DOCK1: variants seen among roughly 807,000 people sequenced by gnomAD.
DOCK1 encodes dedicator of cytokinesis protein 1.
Under a neutral mutation model 262.7 loss-of-function variants are expected in DOCK1, and 138 were observed. That is an observed-to-expected ratio of 0.53 (90% CI 0.46 to 0.61). The LOEUF (loss-of-function observed/expected upper bound fraction) is 0.61, where lower values mean the gene tolerates loss of function less well. Among genes scored for constraint, DOCK1 ranks in the 20% least tolerant of loss-of-function variants. The pLI is 0.00. For synonymous variants in DOCK1, 866 were observed against 867.4 expected, an observed-to-expected ratio of 1.00 and a Z score of 0.03; for missense variants, 1,908 against 2,370.7, an observed-to-expected ratio of 0.80 and a Z score of 4.05.
intron 27 of DOCK1, among the ~76,000 whole-genome samples, chr10:127,241,288 C>T (rs1229226119): frequency 1.3e-5 from 2 of 152,216 alleles, no homozygotes. Context: ...CACTGCACTC[C>T]AGCCTGGGAG....
At chr10:127,107,380 T>C (rs972162279) in intron 24 of DOCK1, among the ~76,000 whole-genome samples, 1 of 152,206 alleles carries the variant, frequency 6.6e-6, no homozygotes, top group Non-Finnish European at 1.5e-5. Context: ...CGAGGGGCTC[T>C]CTGGGAGGCG....
intron 32 of DOCK1, among the ~76,000 whole-genome samples, chr10:127,361,707 G>A (rs78741914): frequency 0.012 from 1,769 of 152,228 alleles, 9 homozygotes; most frequent in African/African-American, 0.02. Flanking sequence ...CCCCCGACTC[G>A]CAGCCCCTGC....
intron 43 of DOCK1, among the ~76,000 whole-genome samples, chr10:127,411,755 G>A (rs562104831): frequency 5.3e-5 from 8 of 152,108 alleles, no homozygotes; most frequent in East Asian, 2.0e-4. Context: ...CGGGAGAATC[G>A]CTTGAACCCA....
At chr10:126,947,380 A>G (rs1329209577) in intron 1 of DOCK1, among the ~76,000 whole-genome samples, 481 of 106,766 alleles carry the variant, frequency 4.5e-3, no homozygotes, top group East Asian at 0.015. Flanking sequence ...GTTGGTGGTG[A>G]TGGTGGTAGT....
At chr10:127,256,503 G>T (rs1470542034) in intron 28 of DOCK1, among the ~76,000 whole-genome samples, 1 of 152,048 alleles carries the variant, frequency 6.6e-6, no homozygotes, top group Non-Finnish European at 1.5e-5. Flanking sequence ...GTGAGCTTGG[G>T]GCTACCAGGG....
rs189840269 is a variant in DOCK1, at chr10:127,378,957, A to G, written c.3676-1125A>G. ...CTAGACTTAGTTATCATTTCTTTTC[A>G]GAGACATCAATTGTAGAAGCAATGC... is the stretch of plus-strand genomic sequence containing the variant. On this transcript the variant is annotated intron_variant, in intron 35 of 51. Coordinates refer to ENST00000623213, the MANE Select transcript of DOCK1 (RefSeq NM_001290223.2). 3.2e-4 allele frequency among the ~76,000 whole-genome samples: 49 copies of G among 152,358 alleles called. 1 individual carries two copies. In the East Asian group the frequency reaches 7.9e-3, roughly 25 times the overall value.
chr10:127,165,361 A>G (rs1190341196), intron 27 of DOCK1, among the ~76,000 whole-genome samples: 1 of 152,204 alleles, frequency 6.6e-6, no homozygotes, highest in African/African-American at 2.4e-5. Flanking sequence ...CTTGTTGCCA[A>G]AGACTAAAAT....
At chr10:127,151,081 T>C (rs2052440640) in intron 27 of DOCK1, among the ~76,000 whole-genome samples, 1 of 152,230 alleles carries the variant, frequency 6.6e-6, no homozygotes, top group Non-Finnish European at 1.5e-5. Context: ...GGACCAGAAG[T>C]GAACTTTCAC....
intron 29 of DOCK1, among the ~76,000 whole-genome samples, chr10:127,335,352 T>A (rs2063144973): frequency 6.6e-6 from 1 of 152,198 alleles, no homozygotes; most frequent in Non-Finnish European, 1.5e-5. Context: ...CAAAGGACTA[T>A]GATCCTGCAC....
chr10:127,285,603 C>T (rs560915245), intron 29 of DOCK1, among the ~76,000 whole-genome samples: 3 of 152,326 alleles, frequency 2.0e-5, no homozygotes, highest in African/African-American at 7.2e-5. Flanking sequence ...CCTAGATGCA[C>T]ATCTGTTCCC....
Position 127,018,734 on chromosome 10 carries a change from T to G in DOCK1, c.1226T>G (p.Leu409Arg). The G allele has an allele frequency of 6.2e-7, 1 of 1,614,068 alleles. No individual in the cohort carries two copies. Among genetic ancestry groups the G allele is most frequent in the Non-Finnish European group, 8.5e-7 (1 of 1,179,906 alleles). Residue 409 changes from leucine to arginine, a missense_variant, in exon 13 of 52, where the codon CTT (leucine) becomes CGT (arginine). Transcript: ENST00000623213. ...GQGLWVTLKLLPGDIHQIRKE... is the reference protein window; with the variant it reads ...GQGLWVTLKLRPGDIHQIRKE... Reference sequence around the variant, plus strand: ...GGTTTGTGGGTAACATTGAAATTACTTCCTGGAGATATCCATCAGATCCGA... The same window carrying G: ...GGTTTGTGGGTAACATTGAAATTACGTCCTGGAGATATCCATCAGATCCGA...
chr10:127,257,283 T>C, intron 28 of DOCK1, 52 bp from the exon 29 acceptor site: 2 of 1,417,340 alleles, frequency 1.4e-6, no homozygotes, highest in Non-Finnish European at 1.9e-6. Flanking sequence ...GAGGGTATCA[T>C]GTTTACCTTT....
intron 27 of DOCK1, among the ~76,000 whole-genome samples, chr10:127,145,703 G>A (rs1426179423): frequency 6.6e-6 from 1 of 152,144 alleles, no homozygotes; most frequent in African/African-American, 2.4e-5. Flanking sequence ...TGGTGTGAAG[G>A]CTACAAAGCC....
At chr10:127,094,690 G>A (rs542381005) in intron 23 of DOCK1, among the ~76,000 whole-genome samples, 89 of 152,254 alleles carry the variant, frequency 5.8e-4, no homozygotes, top group South Asian at 2.1e-4. Flanking sequence ...TTCTGTTCCC[G>A]AAGGGCTCCA....
At chr10:127,416,483 G>A (rs529608246) in intron 44 of DOCK1, among the ~76,000 whole-genome samples, 35 of 152,328 alleles carry the variant, frequency 2.3e-4, no homozygotes, top group Non-Finnish European at 4.4e-5. Context: ...GCTTAGGGAG[G>A]TGGAGAGGGG....
intron 32 of DOCK1, among the ~76,000 whole-genome samples, chr10:127,358,071 C>T (rs188794460): frequency 2.5e-4 from 38 of 152,010 alleles, no homozygotes; most frequent in South Asian, 4.2e-4. Flanking sequence ...ATGATAGCAC[C>T]GACTCTGCCA....
At chr10:127,032,518 T>G (rs956930094) in intron 18 of DOCK1, among the ~76,000 whole-genome samples, 198 bp downstream of exon 18, 21 of 152,330 alleles carry the variant, frequency 1.4e-4, no homozygotes, top group African/African-American at 5.1e-4. Context: ...AAATTCACAC[T>G]TCTACTCTGG....
intron 1 of DOCK1, among the ~76,000 whole-genome samples, chr10:126,917,888 T>G (rs1334625032): frequency 6.6e-6 from 1 of 152,194 alleles, no homozygotes; most frequent in Admixed American, 6.5e-5. Flanking sequence ...CTGTGAGTTT[T>G]CCTTCTTCAG....
chr10:127,157,601 C>T (rs1474931331), intron 27 of DOCK1, among the ~76,000 whole-genome samples: 3 of 152,330 alleles, frequency 2.0e-5, no homozygotes, highest in South Asian at 2.1e-4. Context: ...GTTTGGCTGA[C>T]GTTTGTTGGT....
Sources: gnomAD v4.1 joint callset for allele counts (sites outside exome capture counted in the v4.1 genomes callset) on GRCh38, gnomAD v4.1.1 for gene constraint, MANE v1.5 for transcripts, NCBI Gene and HGNC (gene_info 2026-07-23, HGNC 2026-07-21) for gene names.